CTNND2: variants seen among roughly 807,000 people sequenced by gnomAD.
CTNND2 encodes catenin delta 2.
Under a neutral mutation model 144.4 loss-of-function variants are expected in CTNND2, and 22 were observed. That is an observed-to-expected ratio of 0.15 (90% CI 0.11 to 0.22). The LOEUF is 0.22. CTNND2 is among the 10% of genes least tolerant of loss of function. The pLI, the probability that CTNND2 is intolerant of heterozygous loss-of-function variation, is 1.00. For synonymous variants in CTNND2, 751 were observed against 695.6 expected (o/e 1.08, Z -1.25); for missense variants, 1,353 against 1,618.8 (o/e 0.84, Z 2.82).
intron 2 of CTNND2, chr5:11,588,634 C>T: frequency 2.5e-6 from 1 of 406,952 alleles, no homozygotes. Context: ...GAACTTTAAC[C>T]TGCAGTTTTA....
intron 16 of CTNND2, among the ~76,000 whole-genome samples, chr5:11,077,908 C>T (rs1038327966): frequency 1.3e-5 from 2 of 152,016 alleles, no homozygotes; most frequent in Non-Finnish European, 1.5e-5. Flanking sequence ...AGGTGTCTGT[C>T]CCAGGTCTCT....
chr5:11,351,527 G>A (rs1474510919), intron 8 of CTNND2, among the ~76,000 whole-genome samples: 1 of 152,142 alleles, frequency 6.6e-6, no homozygotes, highest in Non-Finnish European at 1.5e-5. Context: ...GATGTTTTAC[G>A]TTTATGTGCT....
intron 14 of CTNND2, among the ~76,000 whole-genome samples, chr5:11,101,608 T>A (rs1490124166): frequency 2.0e-5 from 3 of 152,228 alleles, no homozygotes; most frequent in Non-Finnish European, 2.9e-5. Context: ...ATTGAAGCAG[T>A]GACCACACAG....
intron 1 of CTNND2, among the ~76,000 whole-genome samples, chr5:11,766,234 A>T (rs1789580514): frequency 6.6e-6 from 1 of 152,234 alleles, no homozygotes; most frequent in Non-Finnish European, 1.5e-5. Flanking sequence ...AAAACATTCC[A>T]TAGGGATAAT....
At chr5:11,327,727 G>A (rs1179614378) in intron 9 of CTNND2, among the ~76,000 whole-genome samples, 2 of 152,130 alleles carry the variant, frequency 1.3e-5, no homozygotes, top group African/African-American at 4.8e-5. Context: ...GTTAAGAGAT[G>A]TTTCTGATGA....
intron 9 of CTNND2, among the ~76,000 whole-genome samples, chr5:11,311,551 ACAGG>A (rs1294606328): frequency 7.8e-6 from 1 of 127,632 alleles, no homozygotes; most frequent in Non-Finnish European, 1.6e-5. Context: ...CTCTCACCCC[ACAGG>A]CACTCACACT....
chr5:11,682,086 C>T (rs945873508), intron 2 of CTNND2, among the ~76,000 whole-genome samples: 5 of 152,212 alleles, frequency 3.3e-5, no homozygotes, highest in East Asian at 1.9e-4. Context: ...CTATCTGTAA[C>T]GTCCTGCCAT....
chr5:11,875,650 A>G (rs952299148), intron 1 of CTNND2, among the ~76,000 whole-genome samples: 9 of 152,194 alleles, frequency 5.9e-5, no homozygotes, highest in African/African-American at 2.2e-4. Context: ...GCACAGCAAG[A>G]AAGCAACTGT....
At chr5:11,544,125 G>A (rs1414475751) in intron 3 of CTNND2, among the ~76,000 whole-genome samples, 3 of 151,820 alleles carry the variant, frequency 2.0e-5, no homozygotes, top group Admixed American at 6.6e-5. Context: ...AATTTAAAGG[G>A]GACTTTAAAA....
chr5:11,318,894 C>T (rs1220144399), intron 9 of CTNND2, among the ~76,000 whole-genome samples: 1 of 151,156 alleles, frequency 6.6e-6, no homozygotes, highest in Non-Finnish European at 1.5e-5. Flanking sequence ...CTAACCCACC[C>T]CTAGAAAAAA....
intron 14 of CTNND2, among the ~76,000 whole-genome samples, chr5:11,110,002 T>C (rs1434602118): frequency 1.3e-5 from 2 of 152,196 alleles, no homozygotes; most frequent in East Asian, 3.8e-4. Flanking sequence ...TGAAACTCTC[T>C]GTAAGCTCCT....
At chr5:11,619,312 G>A (rs1288738730) in intron 2 of CTNND2, among the ~76,000 whole-genome samples, 1 of 152,186 alleles carries the variant, frequency 6.6e-6, no homozygotes, top group Non-Finnish European at 1.5e-5. Context: ...GGAGGCTGAG[G>A]CATGAGAATC....
intron 12 of CTNND2, 23 bp from the exon 13 acceptor site, chr5:11,117,590 A>G (rs755608842): frequency 2.8e-5 from 44 of 1,579,844 alleles, no homozygotes; most frequent in Admixed American, 6.7e-5. Context: ...AGGACACGTC[A>G]GCGATCTTCA....
chr5:11,535,745 T>G (rs1774152823), intron 3 of CTNND2, among the ~76,000 whole-genome samples: 1 of 152,170 alleles, frequency 6.6e-6, no homozygotes, highest in Non-Finnish European at 1.5e-5. Context: ...CATAAAAGGG[T>G]TAACTTACAA....
chr5:11,203,822 G>T (rs764716667), intron 10 of CTNND2, among the ~76,000 whole-genome samples: 2 of 152,156 alleles, frequency 1.3e-5, no homozygotes, highest in Non-Finnish European at 2.9e-5. Flanking sequence ...GATTAAAATG[G>T]AAACAATGAA....
chr5:11,175,718 A>G (rs948463943), intron 11 of CTNND2, among the ~76,000 whole-genome samples: 2 of 152,156 alleles, frequency 1.3e-5, no homozygotes, highest in South Asian at 4.2e-4. Flanking sequence ...CATCTGCTCT[A>G]AAGATGCTTC....
At chr5:11,019,234 A>T (rs1055367694) in intron 17 of CTNND2, among the ~76,000 whole-genome samples, 7 of 91,352 alleles carry the variant, frequency 7.7e-5, no homozygotes, top group Non-Finnish European at 1.6e-4. Context: ...ACTTAAAGAC[A>T]GAGAATTTTA....
chr5:11,440,583 G>C (rs1360839639), intron 3 of CTNND2, among the ~76,000 whole-genome samples: 2 of 152,134 alleles, frequency 1.3e-5, no homozygotes, highest in East Asian at 3.8e-4. Flanking sequence ...GGAAATAGTA[G>C]CCTTGTATTC....
intron 2 of CTNND2, among the ~76,000 whole-genome samples, chr5:11,663,299 A>C (rs1581688245): frequency 6.6e-6 from 1 of 152,282 alleles, no homozygotes; most frequent in East Asian, 1.9e-4. Flanking sequence ...AGACAATCAA[A>C]TTTTCCCATT....
Sources: gnomAD v4.1 joint callset for allele counts (sites outside exome capture counted in the v4.1 genomes callset) on GRCh38, gnomAD v4.1.1 for gene constraint, MANE v1.5 for transcripts, NCBI Gene and HGNC (gene_info 2026-07-23, HGNC 2026-07-21) for gene names.